Variants in FBXW10 observed in about 807,000 individuals in gnomAD.
FBXW10 encodes the protein F-box and WD repeat domain containing 10, also known as F-box/WD repeat-containing protein 10.
In FBXW10, 68 loss-of-function variants were observed where a neutral mutation model predicts 113.1. The observed-to-expected ratio is 0.60, with a 90% CI of 0.49 to 0.74. The LOEUF is 0.74. Among genes scored for constraint, FBXW10 ranks in the 30% least tolerant of loss-of-function variants. The probability of loss-of-function intolerance (pLI) is 0.00; values close to 1 mark genes in which losing one functional copy is unlikely to be tolerated. For missense variants in FBXW10, 753 were observed against 1,284.5 expected (o/e 0.59, Z 6.32); for synonymous variants, 289 against 481.6 (o/e 0.60, Z 5.24).
intron 13 of FBXW10, among the ~76,000 whole-genome samples, chr17:18,776,363 G>C (rs544902517): frequency 1.2e-4 from 18 of 152,240 alleles, no homozygotes; most frequent in South Asian, 8.3e-4. Flanking sequence ...TCATGACTGG[G>C]ATGTCCCTTT....
Position 18,770,065 on chromosome 17 carries a change from C to G in FBXW10, c.1986C>G (p.Ser662=). Residue 662 remains serine (S), a synonymous_variant, in exon 11 of 14, where the codon TCC becomes TCG. Transcript: ENST00000395665. ...KANGRGDPVL[S]FFIQGNRMVV... is the part of the protein sequence containing the mutation. ...ATGGCAGAGGTGATCCTGTGCTGTC[C>G]TTCTTTATTCAGGGCAACAGGTGGG... The G allele has an allele frequency of 1.2e-6, 2 of 1,614,126 alleles. No homozygotes were observed. Among genetic ancestry groups the G allele is most frequent in the Non-Finnish European group, 1.7e-6 (2 of 1,180,018 alleles).
chr17:18,775,777 C>T (rs1252270715), intron 13 of FBXW10, among the ~76,000 whole-genome samples: 2 of 152,130 alleles, frequency 1.3e-5, no homozygotes, highest in Non-Finnish European at 2.9e-5. Context: ...CCTGTAATTC[C>T]AGTGCTTTGG....
intron 7 of FBXW10, among the ~76,000 whole-genome samples, chr17:18,764,200 CT>C (rs140032131): frequency 0.033 from 3,863 of 116,490 alleles, 50 homozygotes; most frequent in African/African-American, 0.081. Flanking sequence ...TGTAAATACT[CT>C]TTTTTTTTTT....
At chr17:18,778,209 T>C (rs1385188154) in intron 13 of FBXW10, among the ~76,000 whole-genome samples, 2 of 152,188 alleles carry the variant, frequency 1.3e-5, no homozygotes, top group African/African-American at 2.4e-5. Context: ...GCAGAGATCA[T>C]GCCACTGCAC....
At chr17:18,751,749 C>T (rs534898685) in intron 5 of FBXW10, among the ~76,000 whole-genome samples, 18 of 152,228 alleles carry the variant, frequency 1.2e-4, no homozygotes, top group Middle Eastern at 3.4e-3. Context: ...GAGGAGGACC[C>T]GAGGGGAGGG....
At chr17:18,772,390 A>C in intron 11 of FBXW10, 22 bp from the exon 12 acceptor site, 10 of 1,606,552 alleles carry the variant, frequency 6.2e-6, no homozygotes, top group Non-Finnish European at 7.7e-6. Context: ...TTTTGTGGAC[A>C]ACCCTGTTGT....
chr17:18,757,107 T>C (rs1367326659), intron 6 of FBXW10, among the ~76,000 whole-genome samples: 1 of 152,128 alleles, frequency 6.6e-6, no homozygotes, highest in Non-Finnish European at 1.5e-5. Flanking sequence ...CATATGTACA[T>C]GTATATATAT....
intron 7 of FBXW10, among the ~76,000 whole-genome samples, chr17:18,761,324 G>A (rs2035380191): frequency 6.6e-6 from 1 of 151,010 alleles, no homozygotes; most frequent in Admixed American, 6.6e-5. Flanking sequence ...AGAGTGCAGT[G>A]GCGCGATCTC....
At chr17:18,756,750 A>C (rs2035272816) in intron 6 of FBXW10, among the ~76,000 whole-genome samples, 1 of 152,242 alleles carries the variant, frequency 6.6e-6, no homozygotes. Flanking sequence ...TGAGAGACGA[A>C]GTTCCTTTAA....
chr17:18,777,138 C>T (rs1199951021), intron 13 of FBXW10, among the ~76,000 whole-genome samples: 4 of 150,562 alleles, frequency 2.7e-5, no homozygotes, highest in East Asian at 2.0e-4. Flanking sequence ...CTCGGCTCAC[C>T]GCAACCTCTG....
At position 18,748,051 on chromosome 17, in the gene FBXW10, C is replaced by T. The variant is rs1044396238; in HGVS notation, c.616C>T (p.Pro206Ser). 5 of 1,613,734 alleles carry T rather than the reference C, an allele frequency of 3.1e-6. No individual in the cohort carries two copies. In the African/African-American group the frequency reaches 5.3e-5, roughly 17 times the overall value. Reference protein sequence around the residue: ...WTAKTQHTSLPLSKAPENEHL... With the variant: ...WTAKTQHTSLSLSKAPENEHL... ...AGCCAAAACTCAGCACACATCCCTT[C>T]CTTTGTCCAAAGCCCCAGAAAATGA... Residue 206 changes from proline (P) to serine (S), a missense_variant, in exon 2 of 14, where the codon CCT becomes TCT. By Grantham distance (74) the Pro-to-Ser change is moderately conservative. Transcript: ENST00000395665.
Position 18,748,073 on chromosome 17 carries a change from A to G in FBXW10, c.638A>G (p.Asn213Ser). The G allele has an allele frequency of 6.2e-7, 1 of 1,613,880 alleles. No individual in the cohort carries two copies. Among genetic ancestry groups the G allele is most frequent in the Non-Finnish European group, 8.5e-7 (1 of 1,179,856 alleles). ...CTTCCTTTGTCCAAAGCCCCAGAAA[A>G]TGAACACTTGCTTGGGGCAGCATCT... ...TSLPLSKAPE[N>S]EHLLGAASNP... Residue 213 changes from asparagine to serine, a missense_variant, in exon 2 of 14, where the codon AAT becomes AGT. Transcript: ENST00000395665.
intron 4 of FBXW10, 121 bp downstream of exon 4, chr17:18,750,258 CT>C: frequency 2.3e-6 from 2 of 878,234 alleles, no homozygotes; most frequent in South Asian, 1.8e-5. Flanking sequence ...CATTTGTGGC[CT>C]TTTAGGCTTC....
In FBXW10 at chr17:18,750,027, A is replaced by G. The variant is rs1338743545; in HGVS notation, c.889A>G (p.Thr297Ala). 2 of 1,613,656 alleles carry G rather than the reference A, an allele frequency of 1.2e-6. No individual in the cohort carries two copies. The highest frequency in any genetic ancestry group is 1.7e-6 in the Non-Finnish European group (2 of 1,179,932). ...KYILRMLDRH[T>A]LNKCASVSQH... ...TTTTCCAGGAATGCTGGATAGACAC[A>G]CCCTGAACAAGTGCGCCTCTGTGAG... The change falls in exon 4 of 14, where the codon ACC becomes GCC. Residue 297 changes from threonine to alanine, a missense_variant. Coordinates refer to ENST00000395665, the MANE Select transcript of FBXW10 (RefSeq NM_001267585.2).
In FBXW10 at chr17:18,751,519, C is replaced by T. The variant is rs146665253; in HGVS notation, c.1122+466C>T. On this transcript the variant is annotated intron_variant, in intron 5 of 13. Transcript: ENST00000395665. Reference sequence around the variant, plus strand: ...TGCTGGGATTACAGGCGTGAGCCACCGCGCTCAGCCCGACACTTCCTCTTC... The same window carrying T: ...TGCTGGGATTACAGGCGTGAGCCACTGCGCTCAGCCCGACACTTCCTCTTC... Among the ~76,000 whole-genome samples the T allele has an allele frequency of 5.3e-3, 800 of 152,232 alleles. 4 individuals are homozygous for T. The highest frequency in any genetic ancestry group is 0.013 in the Admixed American group (194 of 15,284).
At chr17:18,777,970 G>C (rs868733211) in intron 13 of FBXW10, among the ~76,000 whole-genome samples, 1 of 151,878 alleles carries the variant, frequency 6.6e-6, no homozygotes, top group Non-Finnish European at 1.5e-5. Context: ...TGTTTTATTG[G>C]CCGGCTGCGG....
chr17:18,771,007 C>T (rs569643010), intron 11 of FBXW10, among the ~76,000 whole-genome samples: 1 of 152,078 alleles, frequency 6.6e-6, no homozygotes, highest in East Asian at 1.9e-4. Flanking sequence ...AACCATATTG[C>T]CTTCCTTTTA....
intron 5 of FBXW10, among the ~76,000 whole-genome samples, chr17:18,753,451 A>G (rs1302263130): frequency 1.3e-5 from 2 of 152,182 alleles, no homozygotes; most frequent in East Asian, 3.8e-4. Flanking sequence ...AAAGACTCTT[A>G]GTCTGTAAGA....
At chr17:18,771,162 A>C (rs1281291192) in intron 11 of FBXW10, among the ~76,000 whole-genome samples, 1 of 152,104 alleles carries the variant, frequency 6.6e-6, no homozygotes, top group Non-Finnish European at 1.5e-5. Flanking sequence ...ATCCAAAGAA[A>C]GGTGTTTTTC....
Sources: allele counts gnomAD v4.1 joint callset (sites outside exome capture counted in the v4.1 genomes callset), GRCh38; gene constraint gnomAD v4.1.1; transcripts MANE v1.5; gene names NCBI Gene and HGNC (gene_info 2026-07-23, HGNC 2026-07-21).